The following TET1 variants were observed in gnomAD, a reference collection of about 807,000 sequenced individuals.
The protein encoded by TET1 is tet methylcytosine dioxygenase 1.
TET1 carries 13 observed loss-of-function variants against 148.7 expected under a neutral mutation model. The ratio of observed to expected loss-of-function variants is 0.09; its 90% CI spans 0.06 to 0.14. TET1 has a LOEUF of 0.14. Among genes scored for constraint, TET1 ranks in the 10% least tolerant of loss-of-function variants. TET1 has a pLI of 1.00. For synonymous variants in TET1, 907 were observed against 937.2 expected (o/e 0.97, Z 0.59); for missense variants, 2,182 against 2,553.8 (o/e 0.85, Z 3.14).
At position 68,691,608 on chromosome 10, in the gene TET1, G is replaced by A. The variant is rs1259480961; in HGVS notation, c.6205G>A (p.Glu2069Lys). The stretch of plus-strand genomic sequence containing the variant: ...TTTTGAACTAAACAAGATTAAGTTT[G>A]AGGCTAAAGAAGCTAAGAATAAGAA... ...HGFELNKIKF[E>K]AKEAKNKKMK... The change falls in exon 12 of 12, where the codon GAG (glutamate) becomes AAG (lysine). Residue 2069 changes from glutamate (E) to lysine (K), a missense_variant. Transcript: ENST00000373644. The surrounding 1 kb of genome is among the most constrained non-coding windows in gnomAD (Gnocchi z 4.4). 1 of 1,614,172 alleles carries A rather than the reference G, an allele frequency of 6.2e-7. No homozygotes were observed. Among genetic ancestry groups the A allele is most frequent in the Admixed American group, 1.7e-5 (1 of 60,010 alleles).
At chr10:68,614,940 A>T (rs1417933908) in intron 3 of TET1, among the ~76,000 whole-genome samples, 1 of 150,768 alleles carries the variant, frequency 6.6e-6, no homozygotes, top group Admixed American at 6.6e-5. Context: ...TAAAATTTTT[A>T]TGGCTTTTTT....
intron 3 of TET1, among the ~76,000 whole-genome samples, chr10:68,606,823 A>G (rs977252035): frequency 9.9e-5 from 15 of 152,182 alleles, no homozygotes; most frequent in Admixed American, 6.5e-4. Context: ...ATGACAACAC[A>G]TTGTCTTTAT....
In TET1 at chr10:68,573,785, T is replaced by G; in HGVS notation, c.1447T>G (p.Ser483Ala). The change falls in exon 2 of 12, where the codon TCA becomes GCA. Residue 483 changes from serine to alanine, a missense_variant. By Grantham distance (99) the Ser-to-Ala change is moderately conservative. Coordinates refer to ENST00000373644, the MANE Select transcript of TET1 (RefSeq NM_030625.3). ...SGHTPQSSSN[S>A]EKNSLPPVMA... ...ACACACTCCTCAATCATCATCAAAC[T>G]CAGAGAAAAATTCATTACCTCCAGT... 6.2e-7 allele frequency: 1 copy of G among 1,613,952 alleles called. No individual in the cohort carries two copies. The highest frequency in any genetic ancestry group is 8.5e-7 in the Non-Finnish European group (1 of 1,180,030).
intron 8 of TET1, among the ~76,000 whole-genome samples, chr10:68,676,605 G>A (rs1361628693): frequency 6.6e-6 from 1 of 151,518 alleles, no homozygotes; most frequent in African/African-American, 2.4e-5. Context: ...CGTAGAGATG[G>A]GATTTCATCA....
chr10:68,671,505 A>T (rs1330237930), intron 7 of TET1, among the ~76,000 whole-genome samples: 2 of 152,236 alleles, frequency 1.3e-5, no homozygotes, highest in Admixed American at 6.5e-5. Context: ...CACTGCAGTG[A>T]ACATTCACAT....
intron 2 of TET1, among the ~76,000 whole-genome samples, chr10:68,600,617 T>A (rs1564961236): frequency 6.6e-6 from 1 of 152,168 alleles, no homozygotes; most frequent in Non-Finnish European, 1.5e-5. Flanking sequence ...CAGGGCTGCC[T>A]TTAAACACCA....
At chr10:68,597,906 G>A (rs925792605) in intron 2 of TET1, among the ~76,000 whole-genome samples, 5 of 152,150 alleles carry the variant, frequency 3.3e-5, no homozygotes, top group Admixed American at 6.5e-5. Flanking sequence ...GAGGTACTTA[G>A]AGTAGTCCAT....
At chr10:68,624,083 TTTTCTTTC>T (rs756484778) in intron 3 of TET1, among the ~76,000 whole-genome samples, 1 of 148,684 alleles carries the variant, frequency 6.7e-6, no homozygotes, top group African/African-American at 2.5e-5. Flanking sequence ...ATATTTTCTT[TTTTCTTTC>T]TTTCTTTCTT....
chr10:68,640,085 G>A (rs899106563), intron 3 of TET1, among the ~76,000 whole-genome samples: 1 of 151,716 alleles, frequency 6.6e-6, no homozygotes, highest in East Asian at 2.0e-4. Flanking sequence ...GTGTCACCTC[G>A]CCAGGTAATT....
intron 1 of TET1, among the ~76,000 whole-genome samples, chr10:68,561,688 T>C (rs2053555331): frequency 1.3e-5 from 2 of 149,876 alleles, no homozygotes; most frequent in African/African-American, 2.5e-5. Context: ...CTCTCTGTGC[T>C]TCCCTCCCTC....
rs1442450298 is a variant in TET1 at position 68,686,565 on chromosome 10, T to C, written c.5262T>C (p.Ser1754=). The change falls in exon 11 of 12, where the codon TCT becomes TCC. Residue 1754 remains serine, a synonymous_variant. Coordinates refer to ENST00000373644, the MANE Select transcript of TET1 (RefSeq NM_030625.3). ...GTTTCACTCAGCCTGTTCCCCGTTC[T>C]GGAAAGAAGAGGGCTGCGATGATGA... ...RTCFTQPVPR[S]GKKRAAMMTE... The C allele has an allele frequency of 9.9e-6, 16 of 1,614,060 alleles. No homozygotes were observed. The highest frequency in any genetic ancestry group is 2.7e-5 in the African/African-American group (2 of 74,906).
Position 68,571,707 on chromosome 10 carries a change from A to T in TET1, c.-122-510A>T, listed in dbSNP as rs2053672470. Among the ~76,000 whole-genome samples the T allele has an allele frequency of 4.6e-5, 7 of 151,796 alleles. No individual in the cohort carries two copies. In the South Asian group the frequency reaches 1.3e-3, roughly 27 times the overall value. On this transcript the variant is annotated intron_variant, in intron 1 of 11. Transcript: ENST00000373644. Reference sequence around the variant, plus strand: ...GCCACCGCACCTGGCCACTGTTTTTATGAGTTGGAGTCTGCCTATGTAGCC... The same window carrying T: ...GCCACCGCACCTGGCCACTGTTTTTTTGAGTTGGAGTCTGCCTATGTAGCC...
At chr10:68,681,002 T>C (rs527682725) in intron 8 of TET1, among the ~76,000 whole-genome samples, 43 of 152,350 alleles carry the variant, frequency 2.8e-4, no homozygotes, top group African/African-American at 1.0e-3. Context: ...CTCTTCTCCG[T>C]TATAGGAACC....
At chr10:68,562,652 C>G (rs1337476574) in intron 1 of TET1, among the ~76,000 whole-genome samples, 1 of 150,180 alleles carries the variant, frequency 6.7e-6, no homozygotes, top group African/African-American at 2.4e-5. Flanking sequence ...AACTCTGGGA[C>G]TGCCACTTTC....
At chr10:68,608,117 C>G (rs1336311207) in intron 3 of TET1, among the ~76,000 whole-genome samples, 1 of 151,946 alleles carries the variant, frequency 6.6e-6, no homozygotes, top group Non-Finnish European at 1.5e-5. Context: ...TTAGTAGAGA[C>G]TGGGGTTTCA....
chr10:68,561,731 C>CT (rs1466678852), intron 1 of TET1, among the ~76,000 whole-genome samples: 2 of 134,942 alleles, frequency 1.5e-5, no homozygotes, highest in African/African-American at 5.5e-5. Context: ...CCCCGCCTCT[C>CT]TCGCCCCAGG....
At chr10:68,672,515 C>CAA (rs1207136905) in intron 7 of TET1, among the ~76,000 whole-genome samples, 8 of 85,706 alleles carry the variant, frequency 9.3e-5, no homozygotes, top group Non-Finnish European at 1.2e-4. Context: ...AAAAAAACAC[C>CAA]AAAAAAAAAA....
In TET1 at chr10:68,692,441, T is replaced by A. The variant is rs1357723757; in HGVS notation, c.*627T>A. On this transcript the variant is annotated 3_prime_UTR_variant, in exon 12 of 12. Transcript: ENST00000373644. ...GTAAATATATATTTTAAAAGCACTT[T>A]CTATTTTTAAAAGTAACTTGAAATA... 2.6e-5 allele frequency: 6 copies of A among 232,090 alleles called. No individual in the cohort carries two copies. Among genetic ancestry groups the A allele is most frequent in the Admixed American group, 1.7e-4 (3 of 17,764 alleles). 14.4% of individuals were successfully genotyped at this position (232,090 alleles called of 1,614,324 possible).
chr10:68,629,478 T>C (rs1420965421), intron 3 of TET1, among the ~76,000 whole-genome samples: 1 of 152,114 alleles, frequency 6.6e-6, no homozygotes, highest in Non-Finnish European at 1.5e-5. Context: ...AGCTTGTAAG[T>C]ATTTTTGAAA....
Sources: allele counts gnomAD v4.1 joint callset (sites outside exome capture counted in the v4.1 genomes callset), GRCh38; gene constraint gnomAD v4.1.1; non-coding constraint Gnocchi (gnomAD v3.1); transcripts MANE v1.5; gene names NCBI Gene and HGNC (gene_info 2026-07-23, HGNC 2026-07-21).